The following CDH18 variants were observed in gnomAD, a reference collection of about 807,000 sequenced individuals.
CDH18 encodes cadherin-18.
Under a neutral mutation model 67.9 loss-of-function variants are expected in CDH18, and 31 were observed. The observed-to-expected ratio is 0.46, with a 90% CI of 0.34 to 0.62. CDH18 has a LOEUF of 0.62. CDH18 is among the 20% of genes least tolerant of loss of function. The pLI, the probability that CDH18 is intolerant of heterozygous loss-of-function variation, is 0.01. For synonymous variants in CDH18, 362 were observed against 347.2 expected (o/e 1.04, Z -0.48); for missense variants, 890 against 975.5 (o/e 0.91, Z 1.17).
chr5:19,503,090 G>A lies in CDH18; in HGVS notation c.1532C>T (p.Ala511Val). 6.3e-7 allele frequency: 1 copy of A among 1,577,020 alleles called. No individual in the cohort carries two copies. The highest frequency in any genetic ancestry group is 1.7e-5 in the Admixed American group (1 of 59,866). Residue 511 changes from alanine to valine, a missense_variant, in exon 11 of 13, where the codon GCC (alanine) becomes GTC (valine). By Grantham distance (64) the Ala-to-Val change is moderately conservative. Coordinates refer to ENST00000382275, the MANE Select transcript of CDH18 (RefSeq NM_004934.5). ...ATTGGCAAAATCATCTTTATCAGTG[G>A]CACTGATGGTATGAATAACCTAAAG... is the stretch of plus-strand genomic sequence containing the variant. ...KPGQVIHTIS[A>V]TDKDDFANGP...
intron 2 of CDH18, among the ~76,000 whole-genome samples, chr5:20,131,246 T>C (rs527865266): frequency 6.0e-4 from 91 of 152,098 alleles, no homozygotes; most frequent in African/African-American, 1.9e-3. Flanking sequence ...TAAATATTGC[T>C]CTGAATATTT....
rs192755251 is a variant in CDH18 at position 20,478,460 on chromosome 5, C to T, written c.-580+97002G>A. Among the ~76,000 whole-genome samples the T allele has an allele frequency of 9.8e-4, 149 of 151,864 alleles. 3 individuals are homozygous for T. The highest frequency in any genetic ancestry group is 3.5e-3 in the African/African-American group (146 of 41,398). On this transcript the variant is annotated intron_variant, in intron 1 of 14. Coordinates refer to the CDH18 transcript ENST00000507958. ...GGCCTTGAGTGAACATGGAAGGTGG[C>T]CATGCAGTAACTGCTGTGGGCCTGG...
At chr5:19,952,238 A>T (rs146571565) in intron 2 of CDH18, among the ~76,000 whole-genome samples, 1 of 152,064 alleles carries the variant, frequency 6.6e-6, no homozygotes, top group Non-Finnish European at 1.5e-5. Flanking sequence ...TTTAGTAGAG[A>T]CAGGGTTTCA....
chr5:20,513,820 G>A, intron 1 of CDH18, among the ~76,000 whole-genome samples: 1 of 151,994 alleles, frequency 6.6e-6, no homozygotes, highest in East Asian at 1.9e-4. Flanking sequence ...AGCTTGCACA[G>A]CAAATCGCAT....
intron 6 of CDH18, among the ~76,000 whole-genome samples, chr5:19,595,249 A>G (rs1745979905): frequency 6.6e-6 from 1 of 152,230 alleles, no homozygotes; most frequent in Middle Eastern, 3.2e-3. Context: ...TGCACTGAAA[A>G]TTATAAAACA....
chr5:20,305,545 G>T, intron 1 of CDH18: 2 of 770,890 alleles, frequency 2.6e-6, no homozygotes, highest in South Asian at 1.4e-5. Flanking sequence ...AGCGGCTGGT[G>T]GTCGCGGGGC....
chr5:20,271,934 G>GAGAGAGAGAGAA (rs1333725334), intron 1 of CDH18, among the ~76,000 whole-genome samples: 1 of 151,768 alleles, frequency 6.6e-6, no homozygotes, highest in Admixed American at 6.6e-5. Flanking sequence ...CAGAGAGAGA[G>GAGAGAGAGAGAA]AGAGAGAGAG....
intron 2 of CDH18, among the ~76,000 whole-genome samples, chr5:19,952,597 T>C (rs553966450): frequency 7.1e-4 from 108 of 152,298 alleles, no homozygotes; most frequent in Non-Finnish European, 1.2e-3. Flanking sequence ...TTTCACAGAA[T>C]AAATAAACAT....
chr5:19,508,648 C>G (rs1378795164), intron 10 of CDH18, among the ~76,000 whole-genome samples: 1 of 151,958 alleles, frequency 6.6e-6, no homozygotes, highest in East Asian at 1.9e-4. Flanking sequence ...GATGTATCCA[C>G]TTTTAAAAAT....
chr5:20,079,935 T>G (rs1463850961), intron 2 of CDH18, among the ~76,000 whole-genome samples: 1 of 152,080 alleles, frequency 6.6e-6, no homozygotes, highest in African/African-American at 2.4e-5. Flanking sequence ...GAAAGAAAGT[T>G]CTCTTGTCTC....
intron 1 of CDH18, among the ~76,000 whole-genome samples, chr5:20,530,294 A>C (rs1231500626): frequency 6.6e-6 from 1 of 152,062 alleles, no homozygotes; most frequent in African/African-American, 2.4e-5. Flanking sequence ...CAATATGAAA[A>C]TGGCGATGCT....
intron 6 of CDH18, among the ~76,000 whole-genome samples, chr5:19,607,287 G>T (rs192638831): frequency 6.6e-6 from 1 of 151,394 alleles, no homozygotes. Flanking sequence ...AAAAAATAAT[G>T]ATTTGCTATT....
At chr5:20,460,398 C>CGTAAATAA (rs112413390) in intron 1 of CDH18, among the ~76,000 whole-genome samples, 1 of 141,212 alleles carries the variant, frequency 7.1e-6, no homozygotes, top group African/African-American at 2.6e-5. Flanking sequence ...TCTCTAAATA[C>CGTAAATAA]ATAAATAAAT....
intron 2 of CDH18, among the ~76,000 whole-genome samples, chr5:20,172,237 T>C (rs1194871059): frequency 8.3e-4 from 104 of 125,840 alleles, no homozygotes; most frequent in African/African-American, 3.5e-3. Flanking sequence ...TATATATATA[T>C]ATGTATATAT....
At chr5:19,632,437 C>T (rs1053845323) in intron 5 of CDH18, among the ~76,000 whole-genome samples, 4 of 152,204 alleles carry the variant, frequency 2.6e-5, no homozygotes, top group Non-Finnish European at 5.9e-5. Flanking sequence ...CTACTCCACA[C>T]TTTCTTACCC....
intron 2 of CDH18, among the ~76,000 whole-genome samples, chr5:20,124,879 T>TA (rs1157991092): frequency 6.6e-6 from 1 of 152,122 alleles, no homozygotes; most frequent in Non-Finnish European, 1.5e-5. Flanking sequence ...GTACATGACT[T>TA]AAAGAAGTAT....
chr5:20,412,739 C>A (rs1046236091), intron 1 of CDH18, among the ~76,000 whole-genome samples: 1 of 152,204 alleles, frequency 6.6e-6, no homozygotes, highest in Non-Finnish European at 1.5e-5. Flanking sequence ...AAATGCTCAA[C>A]ATCACTAACC....
At chr5:20,376,712 A>G (rs1743474993) in intron 1 of CDH18, among the ~76,000 whole-genome samples, 1 of 151,986 alleles carries the variant, frequency 6.6e-6, no homozygotes, top group African/African-American at 2.4e-5. Flanking sequence ...CATTGGCATT[A>G]TTATGCTTAA....
At chr5:20,018,798 T>C (rs1220344946) in intron 2 of CDH18, among the ~76,000 whole-genome samples, 3 of 120,098 alleles carry the variant, frequency 2.5e-5, no homozygotes, top group Non-Finnish European at 5.9e-5. Flanking sequence ...AATAAGGCAT[T>C]CTTTTTTTTT....
Sources: allele counts gnomAD v4.1 joint callset (sites outside exome capture counted in the v4.1 genomes callset), GRCh38; gene constraint gnomAD v4.1.1; transcripts MANE v1.5; gene names NCBI Gene and HGNC (gene_info 2026-07-23, HGNC 2026-07-21).